Variants in PAK3 observed in about 807,000 individuals in gnomAD.
PAK3 encodes the protein serine/threonine-protein kinase PAK 3.
Under a neutral mutation model 41.0 loss-of-function variants are expected in PAK3, and 4 were observed. The observed-to-expected ratio is 0.10, with a 90% CI of 0.05 to 0.22. The LOEUF (loss-of-function observed/expected upper bound fraction) is 0.22, where lower values mean the gene tolerates loss of function less well. Among genes scored for constraint, PAK3 ranks in the 10% least tolerant of loss-of-function variants. PAK3 has a pLI of 1.00. For synonymous variants in PAK3, 146 were observed against 139.6 expected (o/e 1.05, Z -0.32); for missense variants, 205 against 409.9 (o/e 0.50, Z 4.32).
intron 8 of PAK3, 110 bp from the exon 9 acceptor site, chrX:111,162,805 A>G (rs1303387210): frequency 1.4e-6 from 1 of 698,435 alleles, no homozygotes; most frequent in African/African-American, 2.1e-5. Context: ...TGAAAGATGT[A>G]GTTTCCTCCT....
chrX:111,091,431 G>C (rs1402092001), upstream of PAK3, among the ~76,000 whole-genome samples: 1 of 111,742 alleles, frequency 8.9e-6, no homozygotes, highest in Non-Finnish European at 1.9e-5. Context: ...GAGGCAAGGC[G>C]AGTTCGACAA....
chrX:111,121,403 A>G (rs113212654), intron 4 of PAK3, among the ~76,000 whole-genome samples: 1,589 of 112,135 alleles, frequency 0.014, 13 homozygotes, highest in Non-Finnish European at 0.021. Flanking sequence ...ATAGTAACCT[A>G]TTCTTGAGTA....
intron 1 of PAK3, among the ~76,000 whole-genome samples, chrX:110,951,062 A>C (rs2090734708): frequency 9.0e-6 from 1 of 111,305 alleles, no homozygotes; most frequent in Non-Finnish European, 1.9e-5. Flanking sequence ...ACATCTTTTC[A>C]TGTGTTTTTT....
In PAK3 at chrX:110,955,439, T is replaced by G. The variant is rs184551648; in HGVS notation, c.-28+10811T>G. Among the ~76,000 whole-genome samples the G allele has an allele frequency of 1.9e-4, 21 of 111,747 alleles. No individual in the cohort carries two copies. The East Asian group carries it at 5.4e-3, about 29-fold the overall frequency. ...TTCCTGCAATATCTGTCCTCTTTAT[T>G]GCCGTTTCCGGTAATGAGAGTCAAT... On this transcript the variant is annotated intron_variant, in intron 1 of 14. Transcript: ENST00000425146.
chrX:110,958,552 AAG>A (rs2090913569), intron 1 of PAK3, among the ~76,000 whole-genome samples: 2 of 111,446 alleles, frequency 1.8e-5, no homozygotes, highest in African/African-American at 6.5e-5. Context: ...TATAAGGACT[AAG>A]AGGAGAGAGG....
chrX:111,039,769 G>A (rs2092434902), intron 1 of PAK3, among the ~76,000 whole-genome samples: 1 of 110,505 alleles, frequency 9.0e-6, no homozygotes, highest in South Asian at 4.0e-4. Context: ...CCCCGCCCTA[G>A]GCTGAAATCC....
intron 16 of PAK3, 78 bp from the exon 17 acceptor site, chrX:111,216,343 A>T (rs2094879391): frequency 5.8e-6 from 4 of 684,221 alleles, no homozygotes; most frequent in Admixed American, 4.6e-5. Flanking sequence ...ACCAGAAGAA[A>T]CTGGATTTTT....
intron 1 of PAK3, among the ~76,000 whole-genome samples, chrX:111,040,757 C>G (rs1342280418): frequency 8.9e-6 from 1 of 112,280 alleles, no homozygotes; most frequent in East Asian, 2.8e-4. Flanking sequence ...ACTCTCAGCC[C>G]TCTTGTGTTC....
chrX:110,945,901 G>A (rs767894710), intron 1 of PAK3, among the ~76,000 whole-genome samples: 4 of 111,807 alleles, frequency 3.6e-5, no homozygotes, highest in Non-Finnish European at 5.6e-5. Context: ...ACAGTTAAAG[G>A]TAGTGATTAA....
At chrX:111,027,012 A>G (rs1377040251) in intron 1 of PAK3, among the ~76,000 whole-genome samples, 1 of 111,847 alleles carries the variant, frequency 8.9e-6, no homozygotes, top group African/African-American at 3.2e-5. Flanking sequence ...CCAAACACTT[A>G]GAGCCAACTT....
rs2094031314 is a variant in PAK3 at position 111,151,802 on chromosome X, A to T, written c.431-608A>T. ...CTCTTTGGGGCCATTATGAAGTAAA[A>T]TAAGGGGTACATGACTACAAGCACT... is the stretch of plus-strand genomic sequence containing the variant. On this transcript the variant is annotated intron_variant, in intron 7 of 17. Transcript: ENST00000372007. 2.7e-5 allele frequency among the ~76,000 whole-genome samples: 3 copies of T among 111,820 alleles called. No individual in the cohort carries two copies. In the South Asian group the frequency reaches 1.1e-3, roughly 42 times the overall value.
At chrX:111,068,066 C>A (rs1390974903) in intron 1 of PAK3, among the ~76,000 whole-genome samples, 3 of 110,058 alleles carry the variant, frequency 2.7e-5, no homozygotes, top group Non-Finnish European at 5.7e-5. Context: ...GTTTAAAATT[C>A]TATGTAGTAT....
At chrX:111,062,066 C>A (rs907110545) in intron 1 of PAK3, among the ~76,000 whole-genome samples, 1 of 111,303 alleles carries the variant, frequency 9.0e-6, no homozygotes. Context: ...GGTCCTCCTG[C>A]CTTGGCCTCT....
rs1038418740 is a variant in PAK3 at position 111,175,014 on chromosome X, T to C, written c.830+1933T>C. ...AAACCTATACCTTCCCAAGTCTATA[T>C]ACAGACCTCAGCTCTCCTTCTTCAT... On this transcript the variant is annotated intron_variant, in intron 11 of 17. Transcript: ENST00000372007. Among the ~76,000 whole-genome samples the C allele has an allele frequency of 3.6e-5, 4 of 111,743 alleles. No homozygotes were observed. In the East Asian group the frequency reaches 1.1e-3, roughly 32 times the overall value.
intron 11 of PAK3, among the ~76,000 whole-genome samples, chrX:111,181,709 C>T (rs1224080329): frequency 1.9e-5 from 2 of 107,846 alleles, no homozygotes; most frequent in Non-Finnish European, 3.8e-5. Flanking sequence ...CCATGGAACT[C>T]AGAGTGCTGA....
intron 1 of PAK3, among the ~76,000 whole-genome samples, chrX:110,998,415 C>T (rs192888411): frequency 1.2e-3 from 132 of 112,263 alleles, no homozygotes; most frequent in Non-Finnish European, 2.0e-3. Flanking sequence ...AAGATGAGAA[C>T]TGAGAATTGG....
At chrX:111,112,635 T>A (rs1453851285) in intron 4 of PAK3, among the ~76,000 whole-genome samples, 1 of 111,194 alleles carries the variant, frequency 9.0e-6, no homozygotes, top group African/African-American at 3.3e-5. Context: ...AGACACCATA[T>A]AAATGATGAA....
At chrX:111,039,243 T>G (rs2148766804) in intron 1 of PAK3, among the ~76,000 whole-genome samples, 1 of 112,620 alleles carries the variant, frequency 8.9e-6, no homozygotes, top group East Asian at 2.8e-4. Context: ...TTTTACTTTC[T>G]GCCTTTTTGT....
chrX:111,116,144 A>G (rs1191217711), intron 4 of PAK3, among the ~76,000 whole-genome samples: 1 of 110,811 alleles, frequency 9.0e-6, no homozygotes, highest in Non-Finnish European at 1.9e-5. Context: ...TGGGATGTTA[A>G]TCTATCTAAT....
Sources: gnomAD v4.1 joint callset for allele counts (sites outside exome capture counted in the v4.1 genomes callset) on GRCh38, gnomAD v4.1.1 for gene constraint, MANE v1.5 for transcripts, NCBI Gene and HGNC (gene_info 2026-07-23, HGNC 2026-07-21) for gene names.